The following BAZ2B variants were observed in gnomAD, a reference collection of about 807,000 sequenced individuals.
BAZ2B encodes the protein bromodomain adjacent to zinc finger domain 2B, also known as bromodomain adjacent to zinc finger domain protein 2B.
Under a neutral mutation model 246.0 loss-of-function variants are expected in BAZ2B, and 91 were observed. The observed-to-expected ratio is 0.37, with a 90% CI of 0.31 to 0.44. The LOEUF is 0.44. Among genes scored for constraint, BAZ2B ranks in the 20% least tolerant of loss-of-function variants. The pLI is 1.00. For synonymous variants in BAZ2B, 855 were observed against 860.0 expected, an observed-to-expected ratio of 0.99 and a Z score of 0.10; for missense variants, 2,332 against 2,533.7, an observed-to-expected ratio of 0.92 and a Z score of 1.71.
chr2:159,687,690 A>G, the BAZ2B span, among the ~76,000 whole-genome samples: 1 of 152,224 alleles, frequency 6.6e-6, no homozygotes, highest in Admixed American at 6.5e-5. Context: ...TGAGTTCTGT[A>G]AGCTATTATA....
At chr2:159,369,223 G>T (rs1026400909) in intron 27 of BAZ2B, among the ~76,000 whole-genome samples, 7 of 152,158 alleles carry the variant, frequency 4.6e-5, no homozygotes, top group Non-Finnish European at 1.0e-4. Context: ...GATGGTAGAA[G>T]AAAAGCAGAT....
intron 20 of BAZ2B, among the ~76,000 whole-genome samples, chr2:159,390,629 G>C (rs1296334845): frequency 1.3e-5 from 2 of 152,130 alleles, no homozygotes; most frequent in African/African-American, 2.4e-5. Context: ...GAGGGAGAAA[G>C]AGAGGAGTGG....
chr2:159,385,556 T>C (rs1405404949), intron 22 of BAZ2B, among the ~76,000 whole-genome samples, 187 bp from the exon 23 acceptor site: 2 of 152,108 alleles, frequency 1.3e-5, no homozygotes, highest in African/African-American at 4.8e-5. Context: ...TATTTGTTTC[T>C]TTCTTTCCCC....
intron 25 of BAZ2B, among the ~76,000 whole-genome samples, chr2:159,379,796 G>C (rs1465850067): frequency 6.6e-6 from 1 of 152,054 alleles, no homozygotes; most frequent in African/African-American, 2.4e-5. Context: ...CAGCATTACT[G>C]AGTTGATGCA....
intron 23 of BAZ2B, among the ~76,000 whole-genome samples, chr2:159,384,496 TA>T (rs1303044921): frequency 6.6e-6 from 1 of 151,902 alleles, no homozygotes; most frequent in Non-Finnish European, 1.5e-5. Flanking sequence ...TCTAGAAAGG[TA>T]AAGGACTAAA....
chr2:159,645,385 T>A, the BAZ2B span, among the ~76,000 whole-genome samples: 9,601 of 152,164 alleles, frequency 0.063, 977 homozygotes, highest in African/African-American at 0.22. Context: ...AAGACAATTT[T>A]CCCACAGATG....
At chr2:159,340,746 T>G (rs1449838460) in intron 31 of BAZ2B, among the ~76,000 whole-genome samples, 3 of 151,898 alleles carry the variant, frequency 2.0e-5, no homozygotes, top group Admixed American at 6.6e-5. Flanking sequence ...AGGCTAAACA[T>G]GCAAGAAATG....
rs191749211 is a variant in BAZ2B, at chr2:159,596,987, G to A, written c.-46+19255C>T. ...GAATCTCCACACTGTTTTCCATAGTGGTTGTACTAGTTTACATTCCTACCA... is the reference window on the plus strand; with the variant it reads ...GAATCTCCACACTGTTTTCCATAGTAGTTGTACTAGTTTACATTCCTACCA... On this transcript the variant is annotated intron_variant, in intron 1 of 36. Coordinates refer to ENST00000392783, the MANE Select transcript of BAZ2B (RefSeq NM_013450.4). Among the ~76,000 whole-genome samples the A allele has an allele frequency of 1.5e-3, 221 of 152,266 alleles. 2 individuals carry two copies. Among genetic ancestry groups the A allele is most frequent in the Middle Eastern group, 6.8e-3 (2 of 294 alleles).
At chr2:159,421,743 C>A (rs568840603) in intron 13 of BAZ2B, among the ~76,000 whole-genome samples, 1 of 151,910 alleles carries the variant, frequency 6.6e-6, no homozygotes, top group East Asian at 1.9e-4. Context: ...AAAATATCCA[C>A]GGTATTCAAC....
chr2:159,534,742 G>A (rs1403792551), intron 2 of BAZ2B, among the ~76,000 whole-genome samples: 2 of 152,032 alleles, frequency 1.3e-5, no homozygotes, highest in Non-Finnish European at 2.9e-5. Context: ...GCGTAGCTGG[G>A]ACTACAGGCA....
At chr2:159,316,838 T>C (rs1379376154), downstream of BAZ2B, among the ~76,000 whole-genome samples, 1 of 151,350 alleles carries the variant, frequency 6.6e-6, no homozygotes, top group African/African-American at 2.4e-5. Flanking sequence ...CCATCTCTAC[T>C]GAAAATACAG....
At chr2:159,580,704 G>C (rs952325090) in intron 1 of BAZ2B, among the ~76,000 whole-genome samples, 3 of 152,174 alleles carry the variant, frequency 2.0e-5, no homozygotes, top group Non-Finnish European at 4.4e-5. Flanking sequence ...CATGGCTACA[G>C]TAACCAAAAC....
chr2:159,328,937 G>T (rs1248906316), intron 34 of BAZ2B, among the ~76,000 whole-genome samples: 1 of 152,050 alleles, frequency 6.6e-6, no homozygotes, highest in East Asian at 1.9e-4. Context: ...AGACCAGCTT[G>T]GCCAACATGG....
At chr2:159,443,411 AC>A (rs1008372247) in intron 6 of BAZ2B, among the ~76,000 whole-genome samples, 4 of 152,170 alleles carry the variant, frequency 2.6e-5, no homozygotes, top group African/African-American at 9.7e-5. Flanking sequence ...TGAGATAAGT[AC>A]CCCACCTCCC....
intron 5 of BAZ2B, among the ~76,000 whole-genome samples, chr2:159,447,604 C>T (rs891419420): frequency 2.6e-5 from 4 of 151,968 alleles, no homozygotes; most frequent in Admixed American, 6.6e-5. Context: ...AGAAGTAACA[C>T]ACTATATTGG....
chr2:159,510,827 C>A (rs991564413), intron 2 of BAZ2B, among the ~76,000 whole-genome samples: 1 of 152,108 alleles, frequency 6.6e-6, no homozygotes, highest in Non-Finnish European at 1.5e-5. Context: ...ATTCCAATGA[C>A]CGCTCTCTTA....
At chr2:159,322,681 T>G (rs1480103334) in intron 36 of BAZ2B, among the ~76,000 whole-genome samples, 1 of 152,148 alleles carries the variant, frequency 6.6e-6, no homozygotes, top group African/African-American at 2.4e-5. Context: ...TGTGTGTCCT[T>G]CCTTTATGGG....
At chr2:159,435,381 G>C (rs1432535927) in intron 8 of BAZ2B, 2 of 149,408 alleles carry the variant, frequency 1.3e-5, no homozygotes, top group Admixed American at 6.7e-5. Context: ...TTTTGAGACA[G>C]AGTCTCACTC....
At chr2:159,415,171 G>C (rs2067465150) in intron 13 of BAZ2B, among the ~76,000 whole-genome samples, 1 of 152,072 alleles carries the variant, frequency 6.6e-6, no homozygotes, top group South Asian at 2.1e-4. Context: ...CTGCGGCCGG[G>C]CTCAGTGGCT....
Sources: allele counts gnomAD v4.1 joint callset (sites outside exome capture counted in the v4.1 genomes callset), GRCh38; gene constraint gnomAD v4.1.1; transcripts MANE v1.5; gene names NCBI Gene and HGNC (gene_info 2026-07-23, HGNC 2026-07-21).